The following THAP5 variants were observed in gnomAD, a reference collection of about 807,000 sequenced individuals.
THAP5 encodes the protein THAP domain-containing protein 5.
Under a neutral mutation model 34.0 loss-of-function variants are expected in THAP5, and 26 were observed. That is an observed-to-expected ratio of 0.77 (90% confidence interval 0.56 to 1.06). The LOEUF is 1.06. Among genes scored for constraint, THAP5 ranks in the 50% least tolerant of loss-of-function variants. The probability of loss-of-function intolerance (pLI) is 0.00; values close to 1 mark genes in which losing one functional copy is unlikely to be tolerated. For missense variants in THAP5, 394 were observed against 452.8 expected, an observed-to-expected ratio of 0.87 and a Z score of 1.18; for synonymous variants, 125 against 153.0, an observed-to-expected ratio of 0.82 and a Z score of 1.35.
At chr7:108,553,313 C>T (rs1013614464), downstream of THAP5, among the ~76,000 whole-genome samples, 3 of 152,050 alleles carry the variant, frequency 2.0e-5, no homozygotes, top group Non-Finnish European at 4.4e-5. Flanking sequence ...AAAGTGCTGG[C>T]ATTACAGGCA....
chr7:108,551,350 A>G (rs1003810633), downstream of THAP5, among the ~76,000 whole-genome samples: 1 of 152,166 alleles, frequency 6.6e-6, no homozygotes, highest in African/African-American at 2.4e-5. Flanking sequence ...ATGTCACTAT[A>G]TAAGGGGCTT....
chr7:108,567,040 A>G (rs912040145), intron 1 of THAP5, among the ~76,000 whole-genome samples: 3 of 152,056 alleles, frequency 2.0e-5, no homozygotes, highest in Non-Finnish European at 4.4e-5. Flanking sequence ...CGCAATCCCA[A>G]TCATTTAGCT....
rs1030806983 is a variant in THAP5 at position 108,562,389 on chromosome 7, C to G, written c.*1802G>C. ...AAATTTTAAGTTTTTCCCCCATCGT[C>G]ACCTAAGACATTTCTAATCTTTTAT... On this transcript the variant is annotated 3_prime_UTR_variant, in exon 3 of 3. Transcript: ENST00000415914. The G allele has an allele frequency of 3.3e-5, 5 of 152,198 alleles. No individual in the cohort carries two copies. The highest frequency in any genetic ancestry group is 1.2e-4 in the African/African-American group (5 of 41,456). The allele number at this position is 152,198 out of a possible 1,614,324, so 9.4% of individuals were successfully genotyped here. A position where few individuals can be genotyped will look rare whatever the true frequency, so the allele number is the denominator to read the frequency against.
chr7:108,569,457 G>A (rs369875444), intron 1 of THAP5, 33 bp downstream of exon 1: 282 of 1,551,218 alleles, frequency 1.8e-4, no homozygotes, highest in Non-Finnish European at 2.3e-4. Flanking sequence ...GCCTCACGGC[G>A]AGGCTGACGC....
At chr7:108,557,724 G>C (rs1864396756), downstream of THAP5, among the ~76,000 whole-genome samples, 3 of 152,098 alleles carry the variant, frequency 2.0e-5, no homozygotes, top group Non-Finnish European at 2.9e-5. Context: ...ATCTTCATCT[G>C]AGCCCTCCAA....
At chr7:108,559,055 T>C (rs1864408305), downstream of THAP5, among the ~76,000 whole-genome samples, 1 of 152,220 alleles carries the variant, frequency 6.6e-6, no homozygotes, top group Non-Finnish European at 1.5e-5. Flanking sequence ...GAAATGTATG[T>C]AATGCTGACA....
intron 1 of THAP5, among the ~76,000 whole-genome samples, chr7:108,556,851 A>G (rs563266473): frequency 6.6e-6 from 1 of 152,360 alleles, no homozygotes; most frequent in Non-Finnish European, 1.5e-5. Flanking sequence ...GTGCTGCCTT[A>G]GTAGAGGTTC....
At chr7:108,554,362 T>C (rs191366214), downstream of THAP5, among the ~76,000 whole-genome samples, 131 of 152,026 alleles carry the variant, frequency 8.6e-4, no homozygotes, top group Non-Finnish European at 1.5e-3. Context: ...TTGATTAGAG[T>C]AGATTTTTCA....
intron 1 of THAP5, chr7:108,569,234 G>A (rs1599015781): frequency 7.3e-7 from 1 of 1,367,990 alleles, no homozygotes. Context: ...ACAGAAGCCC[G>A]CGCAAACTTT....
Position 108,562,510 on chromosome 7 carries a change from C to T in THAP5, c.*1681G>A, listed in dbSNP as rs1790369721. 6.6e-6 allele frequency: 1 copy of T among 152,150 alleles called. No homozygotes were observed. Among genetic ancestry groups the T allele is most frequent in the African/African-American group, 2.4e-5 (1 of 41,438 alleles). 9.4% of individuals were successfully genotyped at this position (152,150 alleles called of 1,614,324 possible). On this transcript the variant is annotated 3_prime_UTR_variant, in exon 3 of 3. Transcript: ENST00000415914. ...AAATAATCATCATGCATTTACAAAA[C>T]AATATTATTTGCCAGTCAGAGTCAA...
chr7:108,557,459 A>C (rs1864394160), downstream of THAP5, among the ~76,000 whole-genome samples: 1 of 152,126 alleles, frequency 6.6e-6, no homozygotes, highest in African/African-American at 2.4e-5. Context: ...GCTACTTAGA[A>C]ATTTCTTCTG....
At chr7:108,547,094 A>T in the THAP5 span, among the ~76,000 whole-genome samples, 1 of 152,328 alleles carries the variant, frequency 6.6e-6, no homozygotes, top group Admixed American at 6.5e-5. Context: ...TTAATGTTCC[A>T]AAAAAGGAAT....
Position 108,564,610 on chromosome 7 carries a change from T to A in THAP5, c.769A>T (p.Ile257Phe), listed in dbSNP as rs767711455. The A allele has an allele frequency of 6.2e-7, 1 of 1,613,890 alleles. No homozygotes were observed. Among genetic ancestry groups the A allele is most frequent in the South Asian group, 1.1e-5 (1 of 91,080 alleles). The change falls in exon 3 of 3, where the codon ATT becomes TTT. Residue 257 changes from isoleucine (I) to phenylalanine (F), a missense_variant. Ile to Phe is a conservative substitution (Grantham distance 21). Coordinates refer to ENST00000415914, the MANE Select transcript of THAP5 (RefSeq NM_001130475.3). ...TTTAATTCTTCAACTGTTTGATTAATTGTGCTGAATAAGAATGGATTTTCC... is the reference window on the plus strand; with the variant it reads ...TTTAATTCTTCAACTGTTTGATTAAATGTGCTGAATAAGAATGGATTTTCC... ...AQENPFLFST[I>F]NQTVEELNTN...
Position 108,564,391 on chromosome 7 carries a change from T to C in THAP5, c.988A>G (p.Asn330Asp), listed in dbSNP as rs1429066924. 1.9e-6 allele frequency: 3 copies of C among 1,613,722 alleles called. No homozygotes were observed. The highest frequency in any genetic ancestry group is 8.5e-7 in the Non-Finnish European group (1 of 1,179,888). Reference protein sequence around the residue: ...IEHSYCRQDINKEHLWQKVSK... With the variant: ...IEHSYCRQDIDKEHLWQKVSK... ...ACTTTCTGCCAAAGATGTTCCTTAT[T>C]TATATCTTGTCTGCAGTAAGAATGT... Residue 330 changes from asparagine to aspartate, a missense_variant, in exon 3 of 3, where the codon AAT (asparagine) becomes GAT (aspartate). Coordinates refer to ENST00000415914, the MANE Select transcript of THAP5 (RefSeq NM_001130475.3).
At chr7:108,558,381 G>GTATA (rs66806128), downstream of THAP5, among the ~76,000 whole-genome samples, 8,224 of 93,764 alleles carry the variant, frequency 0.088, 574 homozygotes, top group Non-Finnish European at 0.11. Context: ...GTGTGTGTAT[G>GTATA]TATATATATA....
At chr7:108,569,400 G>A (rs992891780) in intron 1 of THAP5, 90 bp downstream of exon 1, 33 of 1,543,174 alleles carry the variant, frequency 2.1e-5, no homozygotes, top group Admixed American at 2.0e-4. Context: ...AGGACTCACT[G>A]GCAGAGCGGA....
intron 1 of THAP5, among the ~76,000 whole-genome samples, chr7:108,557,006 A>G (rs1311556977): frequency 1.3e-5 from 2 of 152,244 alleles, no homozygotes; most frequent in Admixed American, 1.3e-4. Context: ...GGAAGCTGCC[A>G]AGGTTTGGGG....
chr7:108,553,674 AG>A (rs939669319), downstream of THAP5, among the ~76,000 whole-genome samples: 3 of 152,160 alleles, frequency 2.0e-5, no homozygotes. Context: ...TCTCAGACAT[AG>A]GGTAATTTGA....
In THAP5 at chr7:108,564,869, T is replaced by C. The variant is rs774182970; in HGVS notation, c.510A>G (p.Lys170=). ...TAGATTCTGGTTTCCCAGTATGTTG[T>C]TTAACTAGATTAAGAGTTAACATGT... The part of the protein sequence containing the change: ...QNNMLTLNLV[K]QHTGKPESTL... The change falls in exon 3 of 3, where the codon AAA becomes AAG. Residue 170 remains lysine, a synonymous_variant. Coordinates refer to ENST00000415914, the MANE Select transcript of THAP5 (RefSeq NM_001130475.3). The C allele has an allele frequency of 1.9e-6, 3 of 1,607,768 alleles. No individual in the cohort carries two copies. The highest frequency in any genetic ancestry group is 2.6e-6 in the Non-Finnish European group (3 of 1,176,152).
Sources: allele counts gnomAD v4.1 joint callset (sites outside exome capture counted in the v4.1 genomes callset), GRCh38; gene constraint gnomAD v4.1.1; transcripts MANE v1.5; gene names NCBI Gene and HGNC (gene_info 2026-07-23, HGNC 2026-07-21).